Variants in PBRM1 observed in about 807,000 individuals in gnomAD.
PBRM1 encodes the protein protein polybromo-1.
Under a neutral mutation model 194.5 loss-of-function variants are expected in PBRM1, and 27 were observed. That is an observed-to-expected ratio of 0.14 (90% CI 0.10 to 0.19). PBRM1 has a LOEUF of 0.19. Among genes scored for constraint, PBRM1 ranks in the 10% least tolerant of loss-of-function variants. The pLI is 1.00. For missense variants in PBRM1, 1,466 were observed against 2,077.2 expected, an observed-to-expected ratio of 0.71 and a Z score of 5.72; for synonymous variants, 655 against 693.2, an observed-to-expected ratio of 0.94 and a Z score of 0.87.
intron 2 of PBRM1, among the ~76,000 whole-genome samples, chr3:52,676,423 GTTTAT>G (rs1398801789): frequency 5.3e-5 from 8 of 152,256 alleles, no homozygotes; most frequent in African/African-American, 1.9e-4. Flanking sequence ...GATCTGATGG[GTTTAT>G]TAGGGGTTCC....
At chr3:52,637,380 C>T (rs1178665051) in intron 10 of PBRM1, among the ~76,000 whole-genome samples, 6 of 152,008 alleles carry the variant, frequency 3.9e-5, no homozygotes, top group African/African-American at 1.2e-4. Flanking sequence ...ACATGTAACC[C>T]CAACAATTCG....
chr3:52,580,274 T>C (rs752170820), intron 20 of PBRM1, among the ~76,000 whole-genome samples: 3 of 152,116 alleles, frequency 2.0e-5, no homozygotes, highest in Non-Finnish European at 2.9e-5. Context: ...AAACAACTGA[T>C]AGATCTAAAA....
chr3:52,674,395 C>A (rs923999770), intron 2 of PBRM1, among the ~76,000 whole-genome samples: 1 of 148,984 alleles, frequency 6.7e-6, no homozygotes, highest in Non-Finnish European at 1.5e-5. Context: ...GCAGGAGAAT[C>A]GCTTGAACCT....
At chr3:52,647,429 G>GGA (rs2096329725) in intron 7 of PBRM1, among the ~76,000 whole-genome samples, 2 of 44,488 alleles carry the variant, frequency 4.5e-5, no homozygotes, top group East Asian at 8.1e-4. Flanking sequence ...GTATCAAAGA[G>GGA]AAAAAAAAAA....
intron 27 of PBRM1, among the ~76,000 whole-genome samples, chr3:52,553,141 C>T (rs2081370875): frequency 6.6e-6 from 1 of 152,206 alleles, no homozygotes; most frequent in South Asian, 2.1e-4. Flanking sequence ...TAACAAGTTT[C>T]CAACCACATT....
intron 11 of PBRM1, among the ~76,000 whole-genome samples, chr3:52,630,776 A>T (rs2095593695): frequency 6.6e-6 from 1 of 152,208 alleles, no homozygotes; most frequent in Admixed American, 6.6e-5. Context: ...TAGAAAGGGG[A>T]GGGGAGATAT....
At chr3:52,617,495 C>A (rs2153490415) in exon 14 of PBRM1, 1 of 1,612,518 alleles carries the variant, frequency 6.2e-7, no homozygotes, top group Non-Finnish European at 8.5e-7. Context: ...TCAAGAACAA[C>A]ATTGAATAAG....
chr3:52,637,896 G>C (rs1219363113), intron 10 of PBRM1, among the ~76,000 whole-genome samples: 1 of 149,768 alleles, frequency 6.7e-6, no homozygotes, highest in African/African-American at 2.5e-5. Flanking sequence ...CCATGAGCGG[G>C]GATTGCGCCA....
chr3:52,594,441 G>T (rs889184691), intron 17 of PBRM1, among the ~76,000 whole-genome samples: 2 of 152,104 alleles, frequency 1.3e-5, no homozygotes, highest in African/African-American at 4.8e-5. Context: ...TTTTCTCCAT[G>T]TCTTTATTTT....
At chr3:52,565,507 CAAA>C (rs539684179) in intron 22 of PBRM1, among the ~76,000 whole-genome samples, 1 of 104,452 alleles carries the variant, frequency 9.6e-6, no homozygotes. Flanking sequence ...GACTCAGTCT[CAAA>C]AAAAAAAAAA....
At chr3:52,628,672 A>G (rs1422475396) in intron 12 of PBRM1, among the ~76,000 whole-genome samples, 1 of 151,524 alleles carries the variant, frequency 6.6e-6, no homozygotes, top group African/African-American at 2.4e-5. Context: ...GGGTCTCGCT[A>G]TGTTGCCCAA....
chr3:52,604,622 G>C (rs1251277738), intron 16 of PBRM1, among the ~76,000 whole-genome samples: 1 of 151,952 alleles, frequency 6.6e-6, no homozygotes, highest in Non-Finnish European at 1.5e-5. Flanking sequence ...GAGCCCAGGA[G>C]TTCAAGGGTG....
intron 13 of PBRM1, among the ~76,000 whole-genome samples, chr3:52,619,401 T>G (rs2095155170): frequency 6.6e-6 from 1 of 152,198 alleles, no homozygotes; most frequent in Non-Finnish European, 1.5e-5. Flanking sequence ...TTATAATACC[T>G]AATACATTAA....
At chr3:52,552,739 T>C (rs774629268) in intron 27 of PBRM1, among the ~76,000 whole-genome samples, 27 of 152,338 alleles carry the variant, frequency 1.8e-4, no homozygotes, top group Non-Finnish European at 3.1e-4. Flanking sequence ...TAAGTGCACC[T>C]AGAAGGTGTA....
intron 24 of PBRM1, among the ~76,000 whole-genome samples, chr3:52,563,049 ATTAATT>A (rs1434167985): frequency 2.6e-5 from 4 of 151,102 alleles, no homozygotes; most frequent in African/African-American, 9.6e-5. Context: ...TTTTAAAGAT[ATTAATT>A]TTAAATTATT....
chr3:52,547,877 C>T (rs1324410591), downstream of PBRM1: 1 of 500,300 alleles, frequency 2.0e-6, no homozygotes, highest in Non-Finnish European at 3.5e-6. Flanking sequence ...ATAAAGTCAA[C>T]TTAATATAAC....
intron 17 of PBRM1, among the ~76,000 whole-genome samples, chr3:52,599,788 C>T (rs1416086706): frequency 6.6e-6 from 1 of 151,544 alleles, no homozygotes; most frequent in African/African-American, 2.4e-5. Flanking sequence ...TGAGATCACG[C>T]CACTGCACTC....
chr3:52,554,354 TG>T (rs2081755366), intron 27 of PBRM1, among the ~76,000 whole-genome samples: 2 of 152,254 alleles, frequency 1.3e-5, no homozygotes, highest in Non-Finnish European at 2.9e-5. Flanking sequence ...CATGTTACTC[TG>T]AACTAGCAAT....
At chr3:52,617,189 T>G in intron 14 of PBRM1, 73 bp downstream of exon 16, 5 of 1,256,126 alleles carry the variant, frequency 4.0e-6, no homozygotes, top group Non-Finnish European at 5.5e-6. Flanking sequence ...AGCTGGTCTC[T>G]CAAAATGCAT....
Sources: gnomAD v4.1 joint callset for allele counts (sites outside exome capture counted in the v4.1 genomes callset) on GRCh38, gnomAD v4.1.1 for gene constraint, MANE v1.5 for transcripts, NCBI Gene and HGNC (gene_info 2026-07-23, HGNC 2026-07-21) for gene names.